The following MSH3 variants were observed in gnomAD, a reference collection of about 807,000 sequenced individuals.
MSH3 encodes DNA mismatch repair protein Msh3.
A neutral mutation model predicts 123.3 loss-of-function variants in MSH3; 106 were observed. The ratio of observed to expected loss-of-function variants is 0.86; its 90% CI spans 0.73 to 1.01. MSH3 has a LOEUF of 1.01. Ranked by LOEUF, MSH3 falls within the 50% of genes least tolerant of loss-of-function variation. The pLI, the probability that MSH3 is intolerant of heterozygous loss-of-function variation, is 0.00. For synonymous variants in MSH3, 515 were observed against 481.4 expected (o/e 1.07, Z -0.91); for missense variants, 1,459 against 1,347.6 (o/e 1.08, Z -1.29).
intron 19 of MSH3, among the ~76,000 whole-genome samples, chr5:80,799,463 C>T (rs1744753070): frequency 7.8e-6 from 1 of 128,260 alleles, no homozygotes; most frequent in Non-Finnish European, 1.6e-5. Context: ...TCTTTAAAGA[C>T]AGTTGTCAAT....
intron 20 of MSH3, among the ~76,000 whole-genome samples, chr5:80,819,233 G>A (rs1158015859): frequency 2.0e-5 from 3 of 151,870 alleles, no homozygotes; most frequent in African/African-American, 7.3e-5. Flanking sequence ...AAATTATAAT[G>A]TTATTAGGAG....
intron 20 of MSH3, among the ~76,000 whole-genome samples, chr5:80,817,581 AT>A (rs1342071506): frequency 6.6e-6 from 1 of 152,208 alleles, no homozygotes; most frequent in African/African-American, 2.4e-5. Flanking sequence ...AAATTAATTA[AT>A]TAATCACCTT....
intron 8 of MSH3, among the ~76,000 whole-genome samples, chr5:80,722,215 A>G (rs532337303): frequency 3.3e-5 from 5 of 152,234 alleles, no homozygotes; most frequent in South Asian, 4.1e-4. Context: ...AATCATAAAA[A>G]TAGAAAAAAG....
At chr5:80,787,011 T>A (rs566237724) in intron 17 of MSH3, among the ~76,000 whole-genome samples, 5 of 152,328 alleles carry the variant, frequency 3.3e-5, no homozygotes, top group Admixed American at 2.6e-4. Flanking sequence ...CTTTTCCCCT[T>A]GTCTTCAATA....
rs1177217872 is a variant in MSH3 at position 80,775,740 on chromosome 5, A to G, written c.2300A>G (p.Asp767Gly). 6.3e-7 allele frequency: 1 copy of G among 1,588,092 alleles called. No homozygotes were observed. The highest frequency in any genetic ancestry group is 1.1e-5 in the South Asian group (1 of 90,494). ...TCTGCTGTATCTTGTATACCAACTG[A>G]TTGGGTAAAGGTTGGAAGGTAGGTT... The part of the protein sequence containing the change: ...KNSAVSCIPT[D>G]WVKVGSTKAV... The change falls in exon 16 of 24, where the codon GAT becomes GGT. Residue 767 changes from aspartate (D) to glycine (G), a missense_variant. Coordinates refer to ENST00000265081, the MANE Select transcript of MSH3 (RefSeq NM_002439.5).
Position 80,679,110 on chromosome 5 carries a change from C to T in MSH3, c.1340+17C>T, listed in dbSNP as rs1462078332. The T allele has an allele frequency of 1.1e-5, 17 of 1,612,724 alleles. No individual in the cohort carries two copies. In the East Asian group the frequency reaches 3.3e-4, roughly 32 times the overall value. On this transcript the variant is annotated intron_variant, in intron 8 of 23. Transcript: ENST00000265081. ...ATCTGTTAGGTAAGTTGGCACATCA[C>T]TGGAATATAATACCGATTCTGAAAC...
chr5:80,784,207 C>T (rs887195772), intron 17 of MSH3, among the ~76,000 whole-genome samples: 5 of 75,446 alleles, frequency 6.6e-5, no homozygotes, highest in East Asian at 5.6e-4. Flanking sequence ...GAGACTACTA[C>T]GTCGCAAAAA....
intron 11 of MSH3, among the ~76,000 whole-genome samples, chr5:80,742,850 T>TTTAC (rs1364632169): frequency 6.6e-6 from 1 of 152,198 alleles, no homozygotes; most frequent in Admixed American, 6.5e-5. Context: ...AGCCCTGGCA[T>TTTAC]TGTAAGCGTT....
At chr5:80,659,958 C>T (rs181589958) in intron 2 of MSH3, among the ~76,000 whole-genome samples, 1 of 152,162 alleles carries the variant, frequency 6.6e-6, no homozygotes, top group East Asian at 1.9e-4. Flanking sequence ...ACCTGGGATC[C>T]ACGGGGGAAG....
In MSH3 at chr5:80,768,969, C is replaced by T; in HGVS notation, c.2219C>T (p.Pro740Leu). 6.2e-7 allele frequency: 1 copy of T among 1,612,976 alleles called. No homozygotes were observed. The highest frequency in any genetic ancestry group is 8.5e-7 in the Non-Finnish European group (1 of 1,179,266). ...LQEIRKILKN[P>L]SAQYVTVSGQ... ...GAAATACGAAAAATACTAAAAAATC[C>T]TTCTGCACAATATGTGACAGTATCA... Residue 740 changes from proline to leucine, a missense_variant, in exon 15 of 24, where the codon CCT (proline) becomes CTT (leucine). Coordinates refer to ENST00000265081, the MANE Select transcript of MSH3 (RefSeq NM_002439.5).
intron 2 of MSH3, among the ~76,000 whole-genome samples, chr5:80,663,284 A>G (rs1677623): frequency 1.3e-5 from 2 of 152,046 alleles, no homozygotes; most frequent in Admixed American, 6.6e-5. Context: ...AAAACTAGCC[A>G]TAGAGTCACA....
At position 80,665,279 on chromosome 5, in the gene MSH3, A is replaced by G. The variant is rs768134044; in HGVS notation, c.495A>G (p.Lys165=). 4.8e-5 allele frequency: 77 copies of G among 1,613,878 alleles called. No homozygotes were observed. Among genetic ancestry groups the G allele is most frequent in the Non-Finnish European group, 6.3e-5 (74 of 1,180,010 alleles). Residue 165 remains lysine (K), a synonymous_variant, in exon 3 of 24, where the codon AAA becomes AAG. Transcript: ENST00000265081. ...AGGAGAGATTTGCAGTTCTGCCAAA[A>G]TGTACTGATTTTGATGATATCAGTC... ...SLQERFAVLP[K]CTDFDDISLL...
intron 13 of MSH3, among the ~76,000 whole-genome samples, chr5:80,762,780 T>TATG (rs1561469547): frequency 1.2e-4 from 13 of 109,948 alleles, no homozygotes; most frequent in Middle Eastern, 4.5e-3. Flanking sequence ...ATTTTAATTT[T>TATG]TTATTTTATT....
chr5:80,787,536 C>A, intron 17 of MSH3, 29 bp from the exon 18 acceptor site: 1 of 1,469,750 alleles, frequency 6.8e-7, no homozygotes, highest in East Asian at 2.3e-5. Flanking sequence ...AGTTTGCTCA[C>A]CTTTTTGTTG....
At chr5:80,872,346 A>G (rs1746230146) in intron 22 of MSH3, among the ~76,000 whole-genome samples, 1 of 152,042 alleles carries the variant, frequency 6.6e-6, no homozygotes, top group Admixed American at 6.6e-5. Flanking sequence ...ATGCACCTGT[A>G]GTTTCAGCTA....
At chr5:80,681,685 GTCAA>G (rs71720287) in intron 8 of MSH3, among the ~76,000 whole-genome samples, 34,243 of 151,204 alleles carry the variant, frequency 0.23, 4,031 homozygotes, top group Non-Finnish European at 0.27. Context: ...ATTGAGTAAA[GTCAA>G]TCAATTTTAT....
chr5:80,788,173 C>T (rs528145170), intron 18 of MSH3, among the ~76,000 whole-genome samples: 2 of 152,228 alleles, frequency 1.3e-5, no homozygotes, highest in African/African-American at 2.4e-5. Context: ...GCATGGCTCA[C>T]GCCTCTAATC....
intron 10 of MSH3, among the ~76,000 whole-genome samples, chr5:80,740,789 A>T (rs1364597651): frequency 2.0e-5 from 3 of 148,008 alleles, no homozygotes; most frequent in African/African-American, 7.5e-5. Flanking sequence ...ATCTCAGCTC[A>T]CTGCAATCTC....
chr5:80,665,721 G>T (rs919451561), intron 3 of MSH3, among the ~76,000 whole-genome samples: 3 of 152,184 alleles, frequency 2.0e-5, no homozygotes, highest in African/African-American at 7.2e-5. Flanking sequence ...GGAAAATCAT[G>T]ATGGGCAACT....
Sources: gnomAD v4.1 joint callset for allele counts (sites outside exome capture counted in the v4.1 genomes callset) on GRCh38, gnomAD v4.1.1 for gene constraint, MANE v1.5 for transcripts, NCBI Gene and HGNC (gene_info 2026-07-23, HGNC 2026-07-21) for gene names.